Variants in SPOCK1 observed in about 807,000 individuals in gnomAD.
The protein encoded by SPOCK1 is SPARC (osteonectin), cwcv and kazal like domains proteoglycan 1.
SPOCK1 carries 23 observed loss-of-function variants against 55.3 expected under a neutral mutation model. The ratio of observed to expected loss-of-function variants is 0.42; its 90% CI spans 0.30 to 0.59. The LOEUF is 0.59. Among genes scored for constraint, SPOCK1 ranks in the 20% least tolerant of loss-of-function variants. The pLI is 0.22. For missense variants in SPOCK1, 499 were observed against 552.5 expected, an observed-to-expected ratio of 0.90 and a Z score of 0.97; for synonymous variants, 226 against 221.0, an observed-to-expected ratio of 1.02 and a Z score of -0.20.
At chr5:137,229,500 A>T (rs2127092720) in intron 3 of SPOCK1, among the ~76,000 whole-genome samples, 1 of 152,118 alleles carries the variant, frequency 6.6e-6, no homozygotes, top group East Asian at 1.9e-4. Flanking sequence ...TGACACTCTC[A>T]CTTGAATCAC....
intron 2 of SPOCK1, among the ~76,000 whole-genome samples, chr5:137,358,130 G>A (rs1750858154): frequency 1.3e-5 from 2 of 152,086 alleles, no homozygotes; most frequent in Non-Finnish European, 2.9e-5. Context: ...AGCCTGCTTA[G>A]GGAGGAGGAG....
At chr5:137,102,034 C>T (rs914977179) in intron 5 of SPOCK1, among the ~76,000 whole-genome samples, 7 of 152,128 alleles carry the variant, frequency 4.6e-5, no homozygotes, top group Admixed American at 6.5e-5. Context: ...CAGGCTCATG[C>T]GGCCATAGCA....
chr5:137,154,452 G>T (rs796285657), intron 3 of SPOCK1, among the ~76,000 whole-genome samples: 7 of 152,332 alleles, frequency 4.6e-5, no homozygotes, highest in African/African-American at 1.7e-4. Flanking sequence ...GAGAGGGATT[G>T]CAAGGGCCCC....
chr5:137,109,149 G>A (rs1464340642), intron 5 of SPOCK1, among the ~76,000 whole-genome samples: 1 of 152,176 alleles, frequency 6.6e-6, no homozygotes, highest in Non-Finnish European at 1.5e-5. Flanking sequence ...TGAGTACTCA[G>A]ACATCTCATG....
rs951387799 is a variant in SPOCK1 at position 136,978,535 on chromosome 5, G to A, written c.*119C>T. 27 of 1,032,638 alleles carry A rather than the reference G, an allele frequency of 2.6e-5. No individual in the cohort carries two copies. Among genetic ancestry groups the A allele is most frequent in the Middle Eastern group, 2.2e-4 (1 of 4,566 alleles). 64.0% of individuals were successfully genotyped at this position (1,032,638 alleles called of 1,614,324 possible). On this transcript the variant is annotated 3_prime_UTR_variant, in exon 11 of 11. Transcript: ENST00000394945. ...GCAGTTGTCTTCCAAACCTTAGGTC[G>A]GGTATAGAGAGCAACAATGGAGAAG...
chr5:137,091,744 C>T (rs899970358), intron 5 of SPOCK1, among the ~76,000 whole-genome samples: 6 of 152,174 alleles, frequency 3.9e-5, no homozygotes, highest in African/African-American at 1.4e-4. Context: ...ATTCCCAGAG[C>T]TGGGCACAAA....
At chr5:137,452,341 T>C (rs1360461480) in intron 2 of SPOCK1, among the ~76,000 whole-genome samples, 1 of 152,212 alleles carries the variant, frequency 6.6e-6, no homozygotes, top group African/African-American at 2.4e-5. Flanking sequence ...CTGTACATAC[T>C]AAGAAAATAT....
At chr5:137,314,807 C>T (rs1757848110) in intron 2 of SPOCK1, among the ~76,000 whole-genome samples, 1 of 152,174 alleles carries the variant, frequency 6.6e-6, no homozygotes, top group South Asian at 2.1e-4. Context: ...ATCCTGAGCT[C>T]AGCACCAGCA....
chr5:137,131,185 TTGA>T (rs1753869118), intron 4 of SPOCK1, among the ~76,000 whole-genome samples: 1 of 152,192 alleles, frequency 6.6e-6, no homozygotes, highest in African/African-American at 2.4e-5. Flanking sequence ...GGTTCGGATC[TTGA>T]TGAGTTTTGG....
chr5:137,284,905 G>T (rs746375977), intron 2 of SPOCK1, among the ~76,000 whole-genome samples: 4 of 151,630 alleles, frequency 2.6e-5, no homozygotes, highest in African/African-American at 4.9e-5. Context: ...CTGGACCTCT[G>T]CATGGCTCCT....
At chr5:137,469,989 T>C (rs1360754940) in intron 2 of SPOCK1, among the ~76,000 whole-genome samples, 3 of 152,194 alleles carry the variant, frequency 2.0e-5, no homozygotes, top group Non-Finnish European at 4.4e-5. Context: ...TTTCAGGACC[T>C]AGAACACTCT....
At chr5:137,466,266 T>A (rs1753621266) in intron 2 of SPOCK1, among the ~76,000 whole-genome samples, 1 of 152,226 alleles carries the variant, frequency 6.6e-6, no homozygotes, top group Non-Finnish European at 1.5e-5. Context: ...CAGAATTTCT[T>A]CCTGGGTTTC....
At chr5:137,338,680 G>A (rs962446055) in intron 2 of SPOCK1, among the ~76,000 whole-genome samples, 2 of 151,504 alleles carry the variant, frequency 1.3e-5, no homozygotes, top group African/African-American at 2.4e-5. Flanking sequence ...TCCAGCACCT[G>A]TTGTTTCCTG....
chr5:137,225,761 C>T (rs1219053638), intron 3 of SPOCK1, among the ~76,000 whole-genome samples: 1 of 152,176 alleles, frequency 6.6e-6, no homozygotes, highest in Non-Finnish European at 1.5e-5. Context: ...ATTTGCATGT[C>T]TAATACTGCT....
intron 2 of SPOCK1, among the ~76,000 whole-genome samples, chr5:137,431,423 C>T (rs1752740632): frequency 6.6e-6 from 1 of 152,226 alleles, no homozygotes; most frequent in African/African-American, 2.4e-5. Flanking sequence ...CATACTATAA[C>T]TGCCTTTTTC....
intron 2 of SPOCK1, among the ~76,000 whole-genome samples, chr5:137,494,215 A>G (rs1754248999): frequency 2.0e-5 from 3 of 152,230 alleles, no homozygotes; most frequent in Admixed American, 2.0e-4. Flanking sequence ...ATAAGCCCTG[A>G]CATGACCCCC....
intron 3 of SPOCK1, among the ~76,000 whole-genome samples, chr5:137,265,619 T>A (rs1386617102): frequency 6.6e-6 from 1 of 152,232 alleles, no homozygotes; most frequent in Non-Finnish European, 1.5e-5. Flanking sequence ...TTTGAGTGAA[T>A]CATTGTGATG....
chr5:137,314,589 T>C (rs1456121117), intron 2 of SPOCK1, among the ~76,000 whole-genome samples: 1 of 152,070 alleles, frequency 6.6e-6, no homozygotes, highest in Non-Finnish European at 1.5e-5. Context: ...CCCAGCAGAG[T>C]GCCAGGAACA....
At chr5:137,160,456 G>T (rs1754507220) in intron 3 of SPOCK1, among the ~76,000 whole-genome samples, 1 of 108,296 alleles carries the variant, frequency 9.2e-6, no homozygotes, top group Admixed American at 1.3e-4. Context: ...TATATATATG[G>T]GACATAGAAC....
Sources: gnomAD v4.1 joint callset for allele counts (sites outside exome capture counted in the v4.1 genomes callset) on GRCh38, gnomAD v4.1.1 for gene constraint, MANE v1.5 for transcripts, NCBI Gene and HGNC (gene_info 2026-07-23, HGNC 2026-07-21) for gene names.